Variants in ANXA9 observed in about 807,000 individuals in gnomAD.
ANXA9 encodes annexin A9.
In ANXA9, 47 loss-of-function variants were observed where a neutral mutation model predicts 51.8. That is an observed-to-expected ratio of 0.91 (90% CI 0.72 to 1.16). The LOEUF is 1.16. Among genes scored for constraint, ANXA9 ranks in the 50% most tolerant of loss-of-function variants. The probability of loss-of-function intolerance (pLI) is 0.00; values close to 1 mark genes in which losing one functional copy is unlikely to be tolerated. For missense variants in ANXA9, 361 were observed against 424.7 expected (o/e 0.85, Z 1.32); for synonymous variants, 154 against 168.7 (o/e 0.91, Z 0.68).
At chr1:150,986,745 G>A (rs1025097732) in intron 9 of ANXA9, 84 bp downstream of exon 9, 4 of 1,400,606 alleles carry the variant, frequency 2.9e-6, no homozygotes, top group African/African-American at 1.5e-5. Flanking sequence ...GGTGACCTAC[G>A]TGCCCATTTT....
intron 9 of ANXA9, 67 bp downstream of exon 9, chr1:150,986,728 T>C: frequency 1.4e-6 from 2 of 1,474,720 alleles, no homozygotes; most frequent in Non-Finnish European, 1.8e-6. Context: ...CACCATATCT[T>C]AGAGCCGGTG....
upstream of ANXA9, among the ~76,000 whole-genome samples, chr1:150,978,694 A>C (rs1222225638): frequency 6.6e-6 from 1 of 151,966 alleles, no homozygotes; most frequent in Non-Finnish European, 1.5e-5. Flanking sequence ...GGCTGGGCGC[A>C]GTGGCTCATG....
chr1:150,983,274 G>A (rs750560602), intron 3 of ANXA9, 64 bp from the exon 4 acceptor site: 1 of 1,599,988 alleles, frequency 6.3e-7, no homozygotes, highest in Non-Finnish European at 8.5e-7. Flanking sequence ...AGGCCCTGAG[G>A]TTATGCTGAG....
chr1:150,977,987 T>C (rs1314705586), upstream of ANXA9, among the ~76,000 whole-genome samples: 1 of 151,304 alleles, frequency 6.6e-6, no homozygotes, highest in East Asian at 1.9e-4. Flanking sequence ...AATACAAAAG[T>C]TAGCTAGGCA....
At chr1:150,982,834 G>T (rs896116742) in intron 2 of ANXA9, among the ~76,000 whole-genome samples, 2 of 152,156 alleles carry the variant, frequency 1.3e-5, no homozygotes, top group African/African-American at 2.4e-5. Context: ...GAGGGTTGGC[G>T]CCTGGTCCAG....
intron 4 of ANXA9, 27 bp downstream of exon 4, chr1:150,983,461 G>A (rs1251077139): frequency 2.5e-6 from 4 of 1,582,390 alleles, no homozygotes; most frequent in Non-Finnish European, 3.4e-6. Flanking sequence ...CGGCACTTGA[G>A]ACTGCCTTTT....
intron 4 of ANXA9, 51 bp from the exon 5 acceptor site, chr1:150,983,924 A>G (rs1244814502): frequency 1.3e-6 from 2 of 1,553,878 alleles, no homozygotes; most frequent in East Asian, 2.3e-5. Context: ...GAGTAGGAAC[A>G]TCCCACTATG....
intron 9 of ANXA9, among the ~76,000 whole-genome samples, chr1:150,987,380 TCA>T (rs10561525): frequency 0.7 from 96,789 of 138,212 alleles, 36,126 homozygotes; most frequent in Non-Finnish European, 0.84. Context: ...TCTCTCTCTC[TCA>T]CACACACACA....
chr1:150,987,795 A>G (rs1671603629), intron 9 of ANXA9, 77 bp from the exon 10 acceptor site: 8 of 1,175,560 alleles, frequency 6.8e-6, no homozygotes, highest in South Asian at 4.2e-5. Flanking sequence ...TAGATTCTGG[A>G]ACGTCATACC....
chr1:150,980,311 G>C (rs587656401), upstream of ANXA9, among the ~76,000 whole-genome samples: 65 of 151,596 alleles, frequency 4.3e-4, no homozygotes, highest in Non-Finnish European at 6.3e-4. Flanking sequence ...CAGGAGAATC[G>C]CTTGAACCCG....
intron 12 of ANXA9, among the ~76,000 whole-genome samples, chr1:150,991,212 A>T (rs1256364579): frequency 6.6e-6 from 1 of 150,648 alleles, no homozygotes. Flanking sequence ...AAATCATGAT[A>T]CATCTGTATT....
At chr1:150,990,704 A>G (rs1337142223) in intron 12 of ANXA9, among the ~76,000 whole-genome samples, 6 of 152,110 alleles carry the variant, frequency 3.9e-5, no homozygotes, top group South Asian at 2.1e-4. Flanking sequence ...AAAATTAGCC[A>G]GGGGGTAGTG....
At chr1:150,983,044 A>C in intron 2 of ANXA9, 46 bp from the exon 3 acceptor site, 1 of 1,516,006 alleles carries the variant, frequency 6.6e-7, no homozygotes, top group Admixed American at 1.8e-5. Flanking sequence ...GGAGTCCCTG[A>C]AGGGCCAGGA....
chr1:150,987,753 C>A, intron 9 of ANXA9, 119 bp from the exon 10 acceptor site: 1 of 809,766 alleles, frequency 1.2e-6, no homozygotes, highest in Non-Finnish European at 2.0e-6. Flanking sequence ...AATCCTTTTC[C>A]ACCCTCAATC....
chr1:150,991,219 T>A (rs768888202), intron 12 of ANXA9, among the ~76,000 whole-genome samples: 22 of 150,824 alleles, frequency 1.5e-4, no homozygotes, highest in Non-Finnish European at 2.7e-4. Context: ...GATACATCTG[T>A]ATTATTCTTT....
intron 11 of ANXA9, 27 bp downstream of exon 11, chr1:150,988,213 G>A (rs764097530): frequency 6.2e-7 from 1 of 1,614,242 alleles, no homozygotes; most frequent in Non-Finnish European, 8.5e-7. Context: ...GATTTGTGAA[G>A]TAAGTCTCTC....
At chr1:150,990,580 C>G (rs587757368) in intron 12 of ANXA9, among the ~76,000 whole-genome samples, 1 of 152,282 alleles carries the variant, frequency 6.6e-6, no homozygotes, top group East Asian at 1.9e-4. Flanking sequence ...GGCGCTGTGG[C>G]GCATGCCTGT....
chr1:150,990,927 G>A (rs1308621549), intron 12 of ANXA9, among the ~76,000 whole-genome samples: 2 of 152,012 alleles, frequency 1.3e-5, no homozygotes, highest in African/African-American at 2.4e-5. Context: ...GGCGGATCAC[G>A]AGGTCAGGAG....
intron 2 of ANXA9, 31 bp from the exon 3 acceptor site, chr1:150,983,059 C>T: frequency 6.3e-7 from 1 of 1,577,864 alleles, no homozygotes; most frequent in Non-Finnish European, 8.7e-7. Flanking sequence ...CCAGGAAATT[C>T]AGCTCTGTGG....
Sources: gnomAD v4.1 joint callset for allele counts (sites outside exome capture counted in the v4.1 genomes callset) on GRCh38, gnomAD v4.1.1 for gene constraint, MANE v1.5 for transcripts, NCBI Gene and HGNC (gene_info 2026-07-23, HGNC 2026-07-21) for gene names.